The following NMT1 variants were observed in gnomAD, a reference collection of about 807,000 sequenced individuals.
NMT1 encodes the protein glycylpeptide N-tetradecanoyltransferase 1.
NMT1 carries 12 observed loss-of-function variants against 63.4 expected under a neutral mutation model. The ratio of observed to expected loss-of-function variants is 0.19; its 90% confidence interval spans 0.12 to 0.31. The LOEUF (loss-of-function observed/expected upper bound fraction) is 0.31. Ranked by LOEUF, NMT1 falls within the 10% of genes least tolerant of loss-of-function variation. The pLI is 1.00. For synonymous variants in NMT1, 228 were observed against 234.3 expected, an observed-to-expected ratio of 0.97 and a Z score of 0.25; for missense variants, 432 against 634.6, an observed-to-expected ratio of 0.68 and a Z score of 3.43.
At chr17:45,063,502 A>G (rs1260068273) in intron 1 of NMT1, among the ~76,000 whole-genome samples, 1 of 150,932 alleles carries the variant, frequency 6.6e-6, no homozygotes, top group African/African-American at 2.4e-5. Context: ...CTCTTTTTGT[A>G]GTTGCTTTTA....
intron 1 of NMT1, among the ~76,000 whole-genome samples, chr17:45,076,048 T>G (rs1387656872): frequency 6.6e-6 from 1 of 151,776 alleles, no homozygotes; most frequent in Non-Finnish European, 1.5e-5. Flanking sequence ...CCAGCCTGGG[T>G]GACAGAGCGA....
At chr17:45,081,827 T>C in intron 2 of NMT1, 75 bp downstream of exon 2, 1 of 1,133,590 alleles carries the variant, frequency 8.8e-7, no homozygotes, top group African/African-American at 1.6e-5. Flanking sequence ...ATGTATAGGA[T>C]CAACTTGGAT....
chr17:45,062,993 A>G (rs1401599259), intron 1 of NMT1, among the ~76,000 whole-genome samples: 2 of 152,022 alleles, frequency 1.3e-5, no homozygotes, highest in African/African-American at 4.8e-5. Context: ...TCACGAGGTC[A>G]GGAGATCGAG....
intron 1 of NMT1, among the ~76,000 whole-genome samples, chr17:45,062,160 G>C (rs539978030): frequency 2.7e-4 from 41 of 152,304 alleles, no homozygotes; most frequent in African/African-American, 8.9e-4. Flanking sequence ...AGAGTATTTG[G>C]AATCCTCGGG....
At chr17:45,101,649 G>GA (rs2054167229) in intron 8 of NMT1, among the ~76,000 whole-genome samples, 1 of 127,704 alleles carries the variant, frequency 7.8e-6, no homozygotes, top group Non-Finnish European at 1.7e-5. Flanking sequence ...AGGAAAGAAA[G>GA]AAAAAATCTC....
chr17:45,094,507 AAGTCAAC>A (rs1297147556), intron 4 of NMT1, among the ~76,000 whole-genome samples: 2 of 150,864 alleles, frequency 1.3e-5, no homozygotes, highest in Non-Finnish European at 3.0e-5. Context: ...AAAAAAAAAA[AAGTCAAC>A]AGAATTTTTT....
intron 7 of NMT1, 79 bp downstream of exon 7, chr17:45,098,631 C>G: frequency 7.4e-7 from 1 of 1,345,746 alleles, no homozygotes; most frequent in Non-Finnish European, 1.0e-6. Context: ...CTGTGAGTCA[C>G]AGCTCCGCCC....
At position 45,103,673 on chromosome 17, in the gene NMT1, A is replaced by G. The variant is rs2054183042; in HGVS notation, c.1165-36A>G. Reference sequence around the variant, plus strand: ...TTCCCGGGCCGCAGTGCCACTGTGCATGCTTGACATTGCCTCTTTATTGCC... The same window carrying G: ...TTCCCGGGCCGCAGTGCCACTGTGCGTGCTTGACATTGCCTCTTTATTGCC... On this transcript the variant is annotated intron_variant, in intron 9 of 11. Coordinates refer to ENST00000258960, the MANE Select transcript of NMT1 (RefSeq NM_021079.5). This position sits in a 1 kb window ranked among gnomAD's most constrained non-coding sequence, Gnocchi z 4.8. The G allele has an allele frequency of 3.1e-6, 5 of 1,590,662 alleles. No homozygotes were observed. The East Asian group carries it at 8.9e-5, about 28-fold the overall frequency.
chr17:45,105,520 A>C lies in NMT1; in HGVS notation c.1471-99A>C, dbSNP rs1598021830. ...TCTGCTCCCACAGCACAGGCGGTGGACCCGGGCCCAGCCACTCGGAACTTC... is the reference window on the plus strand; with the variant it reads ...TCTGCTCCCACAGCACAGGCGGTGGCCCCGGGCCCAGCCACTCGGAACTTC... On this transcript the variant is annotated intron_variant, in intron 11 of 11. Coordinates refer to ENST00000258960, the MANE Select transcript of NMT1 (RefSeq NM_021079.5). The surrounding 1 kb of genome is among the most constrained non-coding windows in gnomAD (Gnocchi z 4.2). 1 of 1,346,166 alleles carries C rather than the reference A, an allele frequency of 7.4e-7. No individual in the cohort carries two copies. Among genetic ancestry groups the C allele is most frequent in the Non-Finnish European group, 1.1e-6 (1 of 940,804 alleles). The allele number at this position is 1,346,166 out of a possible 1,614,324, so 83.4% of individuals were successfully genotyped here. A position where few individuals can be genotyped will look rare whatever the true frequency, so the allele number is the denominator to read the frequency against.
chr17:45,069,101 C>CAGT (rs1446886874), intron 1 of NMT1, among the ~76,000 whole-genome samples: 2 of 151,728 alleles, frequency 1.3e-5, no homozygotes, highest in Non-Finnish European at 2.9e-5. Context: ...GCTGGGATTA[C>CAGT]AGGTGCCTGC....
chr17:45,086,933 A>T (rs1325882480), intron 3 of NMT1, among the ~76,000 whole-genome samples: 1 of 151,864 alleles, frequency 6.6e-6, no homozygotes, highest in Non-Finnish European at 1.5e-5. Flanking sequence ...CCGAGGTGGG[A>T]GGATTGTTTG....
intron 1 of NMT1, 81 bp from the exon 2 acceptor site, chr17:45,081,563 C>A: frequency 8.1e-7 from 1 of 1,237,458 alleles, no homozygotes; most frequent in Non-Finnish European, 1.1e-6. Context: ...GAAGGTCTGG[C>A]TCCACAGAAA....
chr17:45,103,038 C>T lies in NMT1; in HGVS notation c.1081C>T (p.His361Tyr), dbSNP rs1396950068. ...CCTCACCAGGTACTTGAAGCAATTT[C>T]ACCTTACGCCCGTCATGAGCCAGGA... ...QLLTRYLKQFHLTPVMSQEEV... is the reference protein window; with the variant it reads ...QLLTRYLKQFYLTPVMSQEEV... The change falls in exon 9 of 12, where the codon CAC (histidine) becomes TAC (tyrosine). Residue 361 changes from histidine (H) to tyrosine (Y), a missense_variant. Physicochemically the swap from His to Tyr is moderately conservative, Grantham distance 83. This residue lies in a region of NMT1 where 295 missense variants were observed against 489.7 expected (regional missense o/e 0.60). Transcript: ENST00000258960. The surrounding 1 kb of genome is among the most constrained non-coding windows in gnomAD (Gnocchi z 4.8). 6.2e-7 allele frequency: 1 copy of T among 1,613,964 alleles called. No individual in the cohort carries two copies. The highest frequency in any genetic ancestry group is 8.5e-7 in the Non-Finnish European group (1 of 1,179,972).
At chr17:45,070,312 G>A (rs752573565) in intron 1 of NMT1, among the ~76,000 whole-genome samples, 2 of 152,022 alleles carry the variant, frequency 1.3e-5, no homozygotes, top group Non-Finnish European at 2.9e-5. Context: ...GTGCAGTGGC[G>A]TAATCTCGGC....
chr17:45,095,102 C>T (rs1278831474), intron 4 of NMT1, among the ~76,000 whole-genome samples: 7 of 114,794 alleles, frequency 6.1e-5, no homozygotes, highest in African/African-American at 2.4e-4. Context: ...TGAGCCACTG[C>T]GCCCAGTCTT....
intron 2 of NMT1, 39 bp from the exon 3 acceptor site, chr17:45,086,469 A>C (rs559878994): frequency 6.3e-7 from 1 of 1,576,044 alleles, no homozygotes; most frequent in Non-Finnish European, 8.6e-7. Flanking sequence ...TCTTACTAAC[A>C]TAATGGGCCT....
chr17:45,088,764 T>TAA lies in NMT1; in HGVS notation c.385+2112_385+2113insAA, dbSNP rs368660508. On this transcript the variant is annotated intron_variant, in intron 3 of 11. Coordinates refer to ENST00000258960, the MANE Select transcript of NMT1 (RefSeq NM_021079.5). ...GCAAGAATGCATCTCAAAAATGAATTTAAAAAAAAAAAAAAAGAGGCAGCT... is the reference window on the plus strand; with the variant it reads ...GCAAGAATGCATCTCAAAAATGAATTAATAAAAAAAAAAAAAAAGAGGCAGCT... Among the ~76,000 whole-genome samples the TAA allele has an allele frequency of 1.9e-3, 287 of 147,884 alleles. 3 individuals are homozygous for TAA. Among genetic ancestry groups the TAA allele is most frequent in the African/African-American group, 5.7e-3 (230 of 40,228 alleles).
intron 1 of NMT1, among the ~76,000 whole-genome samples, chr17:45,077,025 G>A (rs1047502532): frequency 9.9e-5 from 15 of 152,130 alleles, no homozygotes; most frequent in South Asian, 2.1e-4. Flanking sequence ...AAGTATCTCC[G>A]CTAAATAGGA....
At chr17:45,099,929 G>A (rs916458836) in intron 8 of NMT1, 6 of 156,338 alleles carry the variant, frequency 3.8e-5, no homozygotes, top group Admixed American at 1.3e-4. Context: ...GGTGACCTGA[G>A]CTTGTGAGGG....
Sources: gnomAD v4.1 joint callset for allele counts (sites outside exome capture counted in the v4.1 genomes callset) on GRCh38, gnomAD v4.1.1 for gene constraint, gnomAD v4.1.1 regional missense constraint, Gnocchi (gnomAD v3.1) non-coding constraint, MANE v1.5 for transcripts, NCBI Gene and HGNC (gene_info 2026-07-23, HGNC 2026-07-21) for gene names.